The following CNGB3 variants were observed in gnomAD, a reference collection of about 807,000 sequenced individuals.
CNGB3 encodes the protein cyclic nucleotide gated channel subunit beta 3.
A neutral mutation model predicts 92.8 loss-of-function variants in CNGB3; 86 were observed. That is an observed-to-expected ratio of 0.93 (90% CI 0.78 to 1.11). The LOEUF (loss-of-function observed/expected upper bound fraction) is 1.11, where lower values mean the gene tolerates loss of function less well. CNGB3 is among the 50% of genes least tolerant of loss of function. The pLI is 0.00. For missense variants in CNGB3, 1,026 were observed against 956.8 expected (o/e 1.07, Z -0.95); for synonymous variants, 333 against 332.7 (o/e 1.00, Z -0.01).
intron 11 of CNGB3, among the ~76,000 whole-genome samples, chr8:86,629,931 A>G (rs1030734401): frequency 6.6e-6 from 1 of 152,148 alleles, no homozygotes; most frequent in African/African-American, 2.4e-5. Flanking sequence ...ACTAGGGAGG[A>G]AAACCAGGGC....
At chr8:86,620,460 G>T (rs1334581608) in intron 13 of CNGB3, among the ~76,000 whole-genome samples, 1 of 152,092 alleles carries the variant, frequency 6.6e-6, no homozygotes, top group Non-Finnish European at 1.5e-5. Flanking sequence ...GTCTCTGTGT[G>T]TCCAAATATC....
At chr8:86,648,007 A>G (rs1259485676) in intron 7 of CNGB3, 120 bp from the exon 8 acceptor site, 3 of 748,534 alleles carry the variant, frequency 4.0e-6, no homozygotes, top group Non-Finnish European at 7.4e-6. Context: ...TGTTTAATCC[A>G]AAACTGCTTT....
At position 86,650,922 on chromosome 8, in the gene CNGB3, T is replaced by C. The variant is rs896295339; in HGVS notation, c.904-3035A>G. Among the ~76,000 whole-genome samples, 3 of 151,824 alleles carry C rather than the reference T, an allele frequency of 2.0e-5. No individual in the cohort carries two copies. In the South Asian group the frequency reaches 6.2e-4, roughly 31 times the overall value. On this transcript the variant is annotated intron_variant, in intron 7 of 17. Coordinates refer to ENST00000320005, the MANE Select transcript of CNGB3 (RefSeq NM_019098.5). ...AATATGGAACTAACCTAAGTGGCCA[T>C]TGACCAATGAGTGGATAAAGAAAAT...
chr8:86,737,049 A>C (rs1304411539), intron 2 of CNGB3, among the ~76,000 whole-genome samples: 2 of 152,002 alleles, frequency 1.3e-5, no homozygotes, highest in Non-Finnish European at 2.9e-5. Context: ...CTGATTTTCT[A>C]TTTGGAAGAT....
At chr8:86,697,891 G>T (rs1477102058) in intron 3 of CNGB3, among the ~76,000 whole-genome samples, 24 of 151,752 alleles carry the variant, frequency 1.6e-4, no homozygotes, top group Admixed American at 1.6e-3. Flanking sequence ...AACATGTGGT[G>T]TTTGGTTTTC....
At chr8:86,640,155 C>G (rs1004228664) in intron 10 of CNGB3, among the ~76,000 whole-genome samples, 1 of 152,014 alleles carries the variant, frequency 6.6e-6, no homozygotes, top group African/African-American at 2.4e-5. Flanking sequence ...GTGTCTCACA[C>G]TTTGATGATA....
At chr8:86,624,703 T>TC (rs2131579262) in intron 13 of CNGB3, among the ~76,000 whole-genome samples, 1 of 152,320 alleles carries the variant, frequency 6.6e-6, no homozygotes, top group East Asian at 1.9e-4. Flanking sequence ...GCTTAAGTGC[T>TC]CAAATGCATT....
intron 13 of CNGB3, 54 bp downstream of exon 13, chr8:86,625,929 C>G: frequency 7.1e-7 from 1 of 1,406,326 alleles, no homozygotes; most frequent in Non-Finnish European, 1.0e-6. Flanking sequence ...AAATCAAGAG[C>G]TTAGATTCCA....
At chr8:86,699,791 C>T (rs1321054112) in intron 3 of CNGB3, among the ~76,000 whole-genome samples, 1 of 152,166 alleles carries the variant, frequency 6.6e-6, no homozygotes, top group Non-Finnish European at 1.5e-5. Context: ...GAAAAATGCT[C>T]ATAATTTCCA....
intron 13 of CNGB3, among the ~76,000 whole-genome samples, chr8:86,622,957 T>C (rs1281529233): frequency 6.6e-6 from 1 of 152,222 alleles, no homozygotes. Context: ...CCTAGAATAC[T>C]GACCTAACTC....
intron 3 of CNGB3, among the ~76,000 whole-genome samples, chr8:86,724,465 A>G (rs999365907): frequency 6.6e-6 from 1 of 152,116 alleles, no homozygotes; most frequent in African/African-American, 2.4e-5. Context: ...ATATGTTTGG[A>G]TCAATCAATT....
intron 14 of CNGB3, among the ~76,000 whole-genome samples, chr8:86,610,131 C>T (rs1463823716): frequency 6.6e-6 from 1 of 152,124 alleles, no homozygotes; most frequent in African/African-American, 2.4e-5. Context: ...GGTATATGGC[C>T]TCCATCTAGA....
chr8:86,718,303 C>T (rs1376999176), intron 3 of CNGB3, among the ~76,000 whole-genome samples: 1 of 152,034 alleles, frequency 6.6e-6, no homozygotes, highest in African/African-American at 2.4e-5. Context: ...AGAGAAGATT[C>T]AAACAAGCTC....
chr8:86,660,535 C>T lies in CNGB3; in HGVS notation c.852+6390G>A, dbSNP rs897852971. On this transcript the variant is annotated intron_variant, in intron 6 of 17. Transcript: ENST00000320005. ...GTCCAGAGGGACGATTTTTCTCATG[C>T]ATCTGTACAATGGAATTATAGGATT... 6 of 533,832 alleles carry T rather than the reference C, an allele frequency of 1.1e-5. 1 individual carries two copies. Among genetic ancestry groups the T allele is most frequent in the Non-Finnish European group, 2.3e-5 (6 of 260,324 alleles). 33.1% of individuals were successfully genotyped at this position (533,832 alleles called of 1,614,324 possible).
Position 86,575,702 on chromosome 8 carries a change from C to T in CNGB3, c.*102G>A. 6 of 1,053,402 alleles carry T rather than the reference C, an allele frequency of 5.7e-6. No homozygotes were observed. The highest frequency in any genetic ancestry group is 8.4e-6 in the Non-Finnish European group (6 of 712,792). 65.3% of individuals were successfully genotyped at this position (1,053,402 alleles called of 1,614,324 possible). On this transcript the variant is annotated 3_prime_UTR_variant, in exon 18 of 18. Transcript: ENST00000320005. ...AGCTAGGGATTTGCCTTTCGTTTCT[C>T]AAGGGTCCCAGCATGTCGTTTCCCC...
At chr8:86,659,399 C>T (rs2131607957) in intron 6 of CNGB3, 7 of 741,864 alleles carry the variant, frequency 9.4e-6, no homozygotes, top group South Asian at 5.8e-5. Context: ...GGAGCTTGGC[C>T]TCTCCAGCTT....
intron 10 of CNGB3, among the ~76,000 whole-genome samples, chr8:86,635,176 A>G (rs1823038426): frequency 6.6e-6 from 1 of 152,114 alleles, no homozygotes; most frequent in African/African-American, 2.4e-5. Flanking sequence ...TATGGATTGC[A>G]TTTTAACTTT....
At chr8:86,607,969 T>A (rs1432169693) in intron 14 of CNGB3, among the ~76,000 whole-genome samples, 2 of 152,224 alleles carry the variant, frequency 1.3e-5, no homozygotes, top group African/African-American at 4.8e-5. Context: ...TCTACTATCA[T>A]GTAAATCCAC....
intron 13 of CNGB3, among the ~76,000 whole-genome samples, chr8:86,616,944 C>A (rs1822633188): frequency 1.3e-5 from 2 of 152,066 alleles, no homozygotes. Flanking sequence ...ACTCTTGTAT[C>A]CTTAGTGTCT....
Sources: allele counts gnomAD v4.1 joint callset (sites outside exome capture counted in the v4.1 genomes callset), GRCh38; gene constraint gnomAD v4.1.1; transcripts MANE v1.5; gene names NCBI Gene and HGNC (gene_info 2026-07-23, HGNC 2026-07-21).